TANGO6: variants seen among roughly 807,000 people sequenced by gnomAD.
TANGO6 encodes the protein transport and golgi organization 6 homolog.
A neutral mutation model predicts 114.2 loss-of-function variants in TANGO6; 90 were observed. The observed-to-expected ratio is 0.79, with a 90% CI of 0.66 to 0.94. The LOEUF is 0.94. TANGO6 is among the 40% of genes least tolerant of loss of function. TANGO6 has a pLI of 0.00. For missense variants in TANGO6, 1,274 were observed against 1,315.3 expected, an observed-to-expected ratio of 0.97 and a Z score of 0.49; for synonymous variants, 477 against 509.8, an observed-to-expected ratio of 0.94 and a Z score of 0.87.
intron 12 of TANGO6, among the ~76,000 whole-genome samples, chr16:68,923,815 TTTTGTTTTGTTTTG>T (rs1963129488): frequency 3.1e-5 from 3 of 95,996 alleles, no homozygotes; most frequent in African/African-American, 1.1e-4. Flanking sequence ...TTTTGTTTTG[TTTTGTTTTGTTTTG>T]TTTTGTTTTG....
In TANGO6 at chr16:68,966,523, T is replaced by TA. The variant is rs1466736779; in HGVS notation, c.2702-7502dup. Among the ~76,000 whole-genome samples, 11 of 151,574 alleles carry TA rather than the reference T, an allele frequency of 7.3e-5. No individual in the cohort carries two copies. The South Asian group carries it at 1.2e-3, about 17-fold the overall frequency. ...CATCTCAAAAAAAAATAAAATAAAA[T>TA]AAATAAATAAATAATGAAATAAACA... On this transcript the variant is annotated intron_variant, in intron 14 of 17. Transcript: ENST00000261778.
intron 3 of TANGO6, among the ~76,000 whole-genome samples, chr16:68,864,756 G>A (rs1406507867): frequency 6.6e-6 from 1 of 152,132 alleles, no homozygotes. Flanking sequence ...ACCCCCGTGT[G>A]CAGGTGTTTG....
At chr16:68,877,830 G>C (rs1052334131) in intron 5 of TANGO6, among the ~76,000 whole-genome samples, 1 of 151,964 alleles carries the variant, frequency 6.6e-6, no homozygotes, top group Admixed American at 6.6e-5. Flanking sequence ...GGATGGTCTC[G>C]ATCTCCTGAC....
chr16:69,053,353 C>A (rs1959984295), intron 17 of TANGO6, among the ~76,000 whole-genome samples: 1 of 152,082 alleles, frequency 6.6e-6, no homozygotes, highest in South Asian at 2.1e-4. Flanking sequence ...GTTATCTATT[C>A]TATGATCACA....
chr16:69,069,449 T>A (rs1468836589), intron 17 of TANGO6, among the ~76,000 whole-genome samples: 4 of 152,210 alleles, frequency 2.6e-5, no homozygotes, highest in Non-Finnish European at 5.9e-5. Context: ...TCTGACAGAT[T>A]CATACCACAC....
At position 68,899,731 on chromosome 16, in the gene TANGO6, T is replaced by G. The variant is rs148175389; in HGVS notation, c.1378-703T>G. Among the ~76,000 whole-genome samples, 1,087 of 152,110 alleles carry G rather than the reference T, an allele frequency of 7.1e-3. 13 individuals carry two copies. The Middle Eastern group carries it at 0.088, about 12-fold the overall frequency. On this transcript the variant is annotated intron_variant, in intron 7 of 17. Transcript: ENST00000261778. ...CCTCCTGCCTCAGCCTACCACGTAG[T>G]TAGGACTGTAGGTGTGCACTACCAA...
At position 68,859,903 on chromosome 16, in the gene TANGO6, A is replaced by G. The variant is rs1256396831; in HGVS notation, c.114A>G (p.Leu38=). 1.3e-6 allele frequency: 2 copies of G among 1,587,310 alleles called. No homozygotes were observed. Among genetic ancestry groups the G allele is most frequent in the African/African-American group, 1.4e-5 (1 of 73,940 alleles). ...LSPGGSGSSS[L]QVTKHDVLLA... Reference sequence around the variant, plus strand: ...CAAAAGGCTCGGGCTCAAGTTCACTACAGGTCACAAAACATGATGTCTTGT... The same window carrying G: ...CAAAAGGCTCGGGCTCAAGTTCACTGCAGGTCACAAAACATGATGTCTTGT... Residue 38 remains leucine (L), a synonymous_variant, in exon 2 of 18, where the codon CTA becomes CTG. Transcript: ENST00000261778.
chr16:69,079,388 A>G (rs544874872), intron 17 of TANGO6, among the ~76,000 whole-genome samples: 43 of 151,784 alleles, frequency 2.8e-4, no homozygotes, highest in African/African-American at 1.0e-3. Context: ...CGCATAGTAT[A>G]ATGGCTAAAA....
chr16:69,059,170 G>A (rs553341422), intron 17 of TANGO6, among the ~76,000 whole-genome samples: 1 of 151,684 alleles, frequency 6.6e-6, no homozygotes, highest in Non-Finnish European at 1.5e-5. Context: ...TGCCTCCCGG[G>A]TTCAAGCAAT....
At chr16:69,023,828 GATGA>G (rs1466150364) in intron 16 of TANGO6, among the ~76,000 whole-genome samples, 1 of 152,150 alleles carries the variant, frequency 6.6e-6, no homozygotes, top group Non-Finnish European at 1.5e-5. Context: ...TTATTGAAAA[GATGA>G]ATGGTGAACC....
intron 14 of TANGO6, among the ~76,000 whole-genome samples, chr16:68,953,665 A>C (rs775210150): frequency 1.6e-4 from 24 of 152,064 alleles, no homozygotes; most frequent in Admixed American, 4.6e-4. Context: ...TGTAGGGAAG[A>C]TACTTAGACC....
chr16:68,968,415 A>G (rs1393405366), intron 14 of TANGO6, among the ~76,000 whole-genome samples: 3 of 144,606 alleles, frequency 2.1e-5, no homozygotes, highest in Non-Finnish European at 4.5e-5. Flanking sequence ...CCCAGGTTGG[A>G]GTGCAATGGT....
At chr16:68,878,944 C>A (rs975863123) in intron 6 of TANGO6, among the ~76,000 whole-genome samples, 6 of 151,930 alleles carry the variant, frequency 3.9e-5, no homozygotes, top group Admixed American at 3.3e-4. Context: ...GGCATGGTGG[C>A]AAGCACCTGT....
chr16:68,958,114 C>T (rs560737681), intron 14 of TANGO6, among the ~76,000 whole-genome samples: 3 of 149,632 alleles, frequency 2.0e-5, no homozygotes, highest in East Asian at 4.0e-4. Flanking sequence ...AAGGTTGTAG[C>T]GAGCCAAGAC....
At chr16:68,848,794 T>G (rs2152149254) in intron 1 of TANGO6, among the ~76,000 whole-genome samples, 1 of 152,234 alleles carries the variant, frequency 6.6e-6, no homozygotes, top group Non-Finnish European at 1.5e-5. Flanking sequence ...TTTTATGTAT[T>G]TGATGTTTCA....
At chr16:69,052,865 T>C (rs939649418) in intron 17 of TANGO6, among the ~76,000 whole-genome samples, 1 of 152,016 alleles carries the variant, frequency 6.6e-6, no homozygotes, top group African/African-American at 2.4e-5. Flanking sequence ...TCCCAGCACT[T>C]TGGGAGGCCG....
At chr16:68,902,755 A>G (rs1360845233) in intron 9 of TANGO6, among the ~76,000 whole-genome samples, 1 of 152,162 alleles carries the variant, frequency 6.6e-6, no homozygotes, top group African/African-American at 2.4e-5. Context: ...AAGCCCACTT[A>G]CTCCACCATC....
chr16:68,867,530 A>C, intron 4 of TANGO6: 1 of 248,810 alleles, frequency 4.0e-6, no homozygotes, highest in Non-Finnish European at 7.7e-6. Context: ...AAAAACCCTA[A>C]AGTAAATGTT....
At chr16:68,857,386 A>G (rs1373292827) in intron 1 of TANGO6, among the ~76,000 whole-genome samples, 2 of 148,770 alleles carry the variant, frequency 1.3e-5, no homozygotes. Context: ...CAGTTTATCC[A>G]TTCTTTTTTT....
Sources: allele counts gnomAD v4.1 joint callset (sites outside exome capture counted in the v4.1 genomes callset), GRCh38; gene constraint gnomAD v4.1.1; transcripts MANE v1.5; gene names NCBI Gene and HGNC (gene_info 2026-07-23, HGNC 2026-07-21).